Variants in SNX29 observed in about 807,000 individuals in gnomAD.
The protein encoded by SNX29 is sorting nexin-29.
SNX29 carries 78 observed loss-of-function variants against 102.1 expected under a neutral mutation model. That is an observed-to-expected ratio of 0.76 (90% CI 0.64 to 0.92). The LOEUF is 0.92. Among genes scored for constraint, SNX29 ranks in the 40% least tolerant of loss-of-function variants. SNX29 has a pLI of 0.00. For missense variants in SNX29, 1,280 were observed against 1,061.7 expected (o/e 1.21, Z -2.86); for synonymous variants, 580 against 414.5 (o/e 1.40, Z -4.85).
chr16:12,314,736 A>G (rs2080676099), intron 15 of SNX29, among the ~76,000 whole-genome samples: 1 of 152,148 alleles, frequency 6.6e-6, no homozygotes, highest in South Asian at 2.1e-4. Flanking sequence ...ATGTTGGGGG[A>G]TAGTCAGCAG....
intron 4 of SNX29, among the ~76,000 whole-genome samples, chr16:12,033,891 C>T (rs1349112472): frequency 6.6e-6 from 1 of 152,104 alleles, no homozygotes; most frequent in Non-Finnish European, 1.5e-5. Context: ...ACAGGCTCAT[C>T]CTTGTAGCTC....
intron 18 of SNX29, among the ~76,000 whole-genome samples, chr16:12,409,098 G>T (rs112384634): frequency 0.02 from 3,043 of 152,304 alleles, 76 homozygotes; most frequent in African/African-American, 0.053. Flanking sequence ...TATCTGGAGA[G>T]TTCCTGATTT....
intron 15 of SNX29, among the ~76,000 whole-genome samples, chr16:12,279,563 G>T (rs752564161): frequency 6.6e-6 from 1 of 152,204 alleles, no homozygotes; most frequent in South Asian, 2.1e-4. Context: ...GACTTGGCTG[G>T]TGGCAGTGCC....
intron 17 of SNX29, among the ~76,000 whole-genome samples, chr16:12,400,765 T>C (rs1467546029): frequency 1.3e-5 from 2 of 152,210 alleles, no homozygotes; most frequent in African/African-American, 4.8e-5. Context: ...TCAACAGAAA[T>C]GAAAGGAGAA....
intron 20 of SNX29, among the ~76,000 whole-genome samples, chr16:12,529,008 G>A (rs773665244): frequency 1.2e-4 from 18 of 152,152 alleles, no homozygotes; most frequent in South Asian, 2.1e-4. Flanking sequence ...TCCATTTGAC[G>A]TGTCCATATT....
At chr16:12,491,864 A>G (rs1403121419) in intron 19 of SNX29, among the ~76,000 whole-genome samples, 2 of 152,130 alleles carry the variant, frequency 1.3e-5, no homozygotes, top group Non-Finnish European at 2.9e-5. Flanking sequence ...CGAACTCATC[A>G]TTTTTTATGG....
Position 11,999,415 on chromosome 16 carries a change from T to C in SNX29, c.69+57T>C, listed in dbSNP as rs377431909. 5.8e-6 allele frequency: 9 copies of C among 1,559,230 alleles called. No homozygotes were observed. In the African/African-American group the frequency reaches 9.5e-5, roughly 16 times the overall value. ...TCGAGTAATAGTGTCAGATAATTAA[T>C]GTAGGTCATTTCTTCCCTATAACAT... On this transcript the variant is annotated intron_variant, in intron 2 of 20. Transcript: ENST00000566228.
chr16:12,048,642 A>G, intron 7 of SNX29, 22 bp downstream of exon 7: 1 of 1,613,932 alleles, frequency 6.2e-7, no homozygotes, highest in East Asian at 2.2e-5. Flanking sequence ...CGGGTGCTCG[A>G]GGCGGAGCAG....
chr16:12,254,580 G>A (rs1474453332), intron 14 of SNX29, among the ~76,000 whole-genome samples: 3 of 152,004 alleles, frequency 2.0e-5, no homozygotes, highest in African/African-American at 7.3e-5. Context: ...GGCAGAGGTT[G>A]CAGTGAGCTG....
chr16:12,363,016 T>G (rs778100898), intron 16 of SNX29, among the ~76,000 whole-genome samples: 2 of 152,020 alleles, frequency 1.3e-5, no homozygotes, highest in Non-Finnish European at 2.9e-5. Context: ...TCTGCCCAAG[T>G]CTGATGCCCT....
At position 12,096,087 on chromosome 16, in the gene SNX29, G is replaced by C. The variant is rs2052755027; in HGVS notation, c.1402+17172G>C. Among the ~76,000 whole-genome samples the C allele has an allele frequency of 1.3e-5, 2 of 152,234 alleles. No homozygotes were observed. The highest frequency in any genetic ancestry group is 4.1e-4 in the South Asian group (2 of 4,834). The stretch of plus-strand genomic sequence containing the variant: ...TAAAATTTTAGGATGAGATGGTGGG[G>C]CAGTGGCCGTTAAATCGGCTGCAGT... On this transcript the variant is annotated intron_variant, in intron 11 of 20. Coordinates refer to ENST00000566228, the MANE Select transcript of SNX29 (RefSeq NM_032167.5). This position sits in a 1 kb window ranked among gnomAD's most constrained non-coding sequence, Gnocchi z 4.2.
intron 9 of SNX29, among the ~76,000 whole-genome samples, chr16:12,067,602 C>T (rs531373809): frequency 3.9e-4 from 59 of 152,320 alleles, no homozygotes; most frequent in African/African-American, 1.3e-3. Context: ...ATTCTTCCAC[C>T]TCAGTTTTCC....
chr16:12,395,528 C>T (rs1597222566), intron 16 of SNX29, among the ~76,000 whole-genome samples: 1 of 152,228 alleles, frequency 6.6e-6, no homozygotes, highest in East Asian at 1.9e-4. Context: ...TTTCCTTGCA[C>T]CTGAAGACTG....
At chr16:12,071,453 C>G (rs1490993087) in intron 10 of SNX29, among the ~76,000 whole-genome samples, 1 of 152,156 alleles carries the variant, frequency 6.6e-6, no homozygotes, top group Non-Finnish European at 1.5e-5. Flanking sequence ...TTGTTTTTCT[C>G]AGGTTTGTCA....
chr16:12,509,228 C>T (rs143947476), intron 19 of SNX29, among the ~76,000 whole-genome samples: 1 of 152,272 alleles, frequency 6.6e-6, no homozygotes, highest in Non-Finnish European at 1.5e-5. Flanking sequence ...CAGTTGGAAT[C>T]GAGTGTGAAG....
At chr16:11,985,832 T>A (rs1372767336) in intron 1 of SNX29, among the ~76,000 whole-genome samples, 8 of 149,874 alleles carry the variant, frequency 5.3e-5, no homozygotes, top group Admixed American at 5.3e-4. Flanking sequence ...AATTGCCTTA[T>A]CTTTTTTTTT....
intron 14 of SNX29, among the ~76,000 whole-genome samples, chr16:12,270,474 A>G (rs2079057966): frequency 6.6e-6 from 1 of 152,148 alleles, no homozygotes; most frequent in Admixed American, 6.5e-5. Context: ...CTTGAAAGTA[A>G]ATCCGATGTT....
chr16:12,176,380 T>A (rs1371805693), intron 13 of SNX29, among the ~76,000 whole-genome samples: 1 of 152,226 alleles, frequency 6.6e-6, no homozygotes, highest in Non-Finnish European at 1.5e-5. Context: ...TTTCCATTTA[T>A]GTGAAATGGG....
intron 18 of SNX29, among the ~76,000 whole-genome samples, chr16:12,448,456 A>G (rs899031269): frequency 1.2e-4 from 17 of 139,562 alleles, no homozygotes; most frequent in African/African-American, 4.7e-4. Flanking sequence ...AAATTGTTCA[A>G]GGCAATTGGG....
Sources: allele counts gnomAD v4.1 joint callset (sites outside exome capture counted in the v4.1 genomes callset), GRCh38; gene constraint gnomAD v4.1.1; non-coding constraint Gnocchi (gnomAD v3.1); transcripts MANE v1.5; gene names NCBI Gene and HGNC (gene_info 2026-07-23, HGNC 2026-07-21).